Variants in IGF1R observed in about 807,000 individuals in gnomAD.
IGF1R encodes the protein insulin like growth factor 1 receptor, also known as insulin-like growth factor 1 receptor.
A neutral mutation model predicts 144.6 loss-of-function variants in IGF1R; 44 were observed. That is an observed-to-expected ratio of 0.30 (90% confidence interval 0.24 to 0.39). The LOEUF is 0.39. Among genes scored for constraint, IGF1R ranks in the 10% least tolerant of loss-of-function variants. The pLI, the probability that IGF1R is intolerant of heterozygous loss-of-function variation, is 1.00. For synonymous variants in IGF1R, 795 were observed against 722.8 expected, an observed-to-expected ratio of 1.10 and a Z score of -1.60; for missense variants, 1,355 against 1,833.7, an observed-to-expected ratio of 0.74 and a Z score of 4.77.
intron 20 of IGF1R, among the ~76,000 whole-genome samples, chr15:98,951,591 C>G (rs375962750): frequency 1.3e-5 from 2 of 152,232 alleles, no homozygotes; most frequent in Non-Finnish European, 2.9e-5. Flanking sequence ...GCCCTTCTCG[C>G]GGTTGCAGCC....
Position 98,891,727 on chromosome 15 carries a change from CG to C in IGF1R, c.953+93del. 1.5e-6 allele frequency: 2 copies of C among 1,310,826 alleles called. No individual in the cohort carries two copies. Among genetic ancestry groups the C allele is most frequent in the Non-Finnish European group, 2.1e-6 (2 of 937,692 alleles). The allele number at this position is 1,310,826 out of a possible 1,614,324, so 81.2% of individuals were successfully genotyped here. ...GGTAGACTCTGTCGGTTGTTTCATC[CG>C]GGTGCAGCCCTCAGGAAGTTCACTG... On this transcript the variant is annotated intron_variant, in intron 3 of 20. Coordinates refer to ENST00000650285, the MANE Select transcript of IGF1R (RefSeq NM_000875.5). The surrounding 1 kb of genome is among the most constrained non-coding windows in gnomAD (Gnocchi z 4.7).
At chr15:98,724,819 C>T (rs1329563132) in intron 2 of IGF1R, among the ~76,000 whole-genome samples, 1 of 152,178 alleles carries the variant, frequency 6.6e-6, no homozygotes, top group Non-Finnish European at 1.5e-5. Flanking sequence ...CAGACCTGTG[C>T]AGTACCTGTG....
rs2017249481 is a variant in IGF1R at position 98,962,096 on chromosome 15, T to TGCCAGTGGCTC, written c.*4655_*4665dup. 4.3e-6 allele frequency: 1 copy of TGCCAGTGGCTC among 233,176 alleles called. No homozygotes were observed. The highest frequency in any genetic ancestry group is 2.2e-5 in the African/African-American group (1 of 45,348). The allele number at this position is 233,176 out of a possible 1,614,324, so 14.4% of individuals were successfully genotyped here. A position where few individuals can be genotyped will look rare whatever the true frequency, so the allele number is the denominator to read the frequency against. On this transcript the variant is annotated 3_prime_UTR_variant, in exon 21 of 21. Transcript: ENST00000650285. ...TCTGCAGGCTGGCAGCCGAATGGCT[T>TGCCAGTGGCTC]GCCAGTGGCTCTGTGGCAAGATCAC... is the stretch of plus-strand genomic sequence containing the variant.
At chr15:98,897,520 G>C (rs1472679099) in intron 4 of IGF1R, 1 of 154,338 alleles carries the variant, frequency 6.5e-6, no homozygotes, top group East Asian at 1.9e-4. Flanking sequence ...TTTGTGCAAA[G>C]GATTTCCCAC....
At chr15:98,917,129 C>T (rs1255524898) in intron 10 of IGF1R, among the ~76,000 whole-genome samples, 4 of 152,134 alleles carry the variant, frequency 2.6e-5, no homozygotes, top group African/African-American at 9.7e-5. Flanking sequence ...GTCTCAGCCA[C>T]AACCCCCCAC....
intron 2 of IGF1R, among the ~76,000 whole-genome samples, chr15:98,743,039 G>A (rs1348170809): frequency 2.0e-5 from 3 of 152,162 alleles, no homozygotes; most frequent in Non-Finnish European, 4.4e-5. Context: ...TAAGGAAACA[G>A]TGTGTTGTGG....
intron 20 of IGF1R, among the ~76,000 whole-genome samples, chr15:98,950,582 C>T (rs1330249838): frequency 6.6e-6 from 1 of 152,230 alleles, no homozygotes; most frequent in Non-Finnish European, 1.5e-5. Context: ...ATACAGCCTC[C>T]ATAGGCCCTC....
rs139571991 is a variant in IGF1R, at chr15:98,708,055, C to T, written c.588C>T (p.Thr196=). 1.9e-6 allele frequency: 3 copies of T among 1,614,030 alleles called. No homozygotes were observed. Among genetic ancestry groups the T allele is most frequent in the Non-Finnish European group, 2.5e-6 (3 of 1,179,976 alleles). ...MEEKPMCEKT[T]INNEYNYRCW... The stretch of plus-strand genomic sequence containing the variant: ...AGAAGCCGATGTGTGAGAAGACCAC[C>T]ATCAACAATGAGTACAACTACCGCT... The change falls in exon 2 of 21, where the codon ACC becomes ACT. Residue 196 remains threonine, a synonymous_variant. Transcript: ENST00000650285.
rs2151645278 is a variant in IGF1R at position 98,891,838 on chromosome 15, A to C, written c.953+201A>C. The stretch of plus-strand genomic sequence containing the variant: ...ATTGGCATGGCTTACCGCCCCCCTC[A>C]CCAGTTTGTTTTATATTTTAAGTGC... On this transcript the variant is annotated intron_variant, in intron 3 of 20. Coordinates refer to ENST00000650285, the MANE Select transcript of IGF1R (RefSeq NM_000875.5). The surrounding 1 kb of genome is among the most constrained non-coding windows in gnomAD (Gnocchi z 4.7). Among the ~76,000 whole-genome samples, 1 of 152,232 alleles carries C rather than the reference A, an allele frequency of 6.6e-6. No individual in the cohort carries two copies. Among genetic ancestry groups the C allele is most frequent in the African/African-American group, 2.4e-5 (1 of 41,522 alleles).
At chr15:98,765,160 T>TG in intron 2 of IGF1R, among the ~76,000 whole-genome samples, 1 of 152,324 alleles carries the variant, frequency 6.6e-6, no homozygotes. Flanking sequence ...TTTTTATGGG[T>TG]GAATAATAGT....
At position 98,935,945 on chromosome 15, in the gene IGF1R, C is replaced by T. The variant is rs1451076012; in HGVS notation, c.3297+519C>T. Among the ~76,000 whole-genome samples, 1 of 152,210 alleles carries T rather than the reference C, an allele frequency of 6.6e-6. No homozygotes were observed. The highest frequency in any genetic ancestry group is 1.9e-4 in the East Asian group (1 of 5,198). On this transcript the variant is annotated intron_variant, in intron 17 of 20. Coordinates refer to ENST00000650285, the MANE Select transcript of IGF1R (RefSeq NM_000875.5). The surrounding 1 kb of genome is among the most constrained non-coding windows in gnomAD (Gnocchi z 4.2). ...GGCTCAGGGCCGCATTTGTGGCAGG[C>T]ACTCTGTCAATAAATGTATGTTACA... is the stretch of plus-strand genomic sequence containing the variant.
At position 98,822,822 on chromosome 15, in the gene IGF1R, G is replaced by A. The variant is rs45446200; in HGVS notation, c.641-68503G>A. 3.9e-3 allele frequency among the ~76,000 whole-genome samples: 600 copies of A among 152,310 alleles called. 5 individuals are homozygous for A. Among genetic ancestry groups the A allele is most frequent in the African/African-American group, 0.014 (585 of 41,574 alleles). On this transcript the variant is annotated intron_variant, in intron 2 of 20. Coordinates refer to ENST00000650285, the MANE Select transcript of IGF1R (RefSeq NM_000875.5). ...GCTAAGATGTAAAAAACAGAAGTTAGGTGAAATAAATTAAGAATAATTATT... is the reference window on the plus strand; with the variant it reads ...GCTAAGATGTAAAAAACAGAAGTTAAGTGAAATAAATTAAGAATAATTATT...
chr15:98,942,858 C>T, intron 18 of IGF1R, 65 bp from the exon 19 acceptor site: 9 of 1,604,496 alleles, frequency 5.6e-6, no homozygotes, highest in Non-Finnish European at 7.7e-6. Flanking sequence ...AGTGTAGGGT[C>T]CTCTGCTGTG....
intron 1 of IGF1R, among the ~76,000 whole-genome samples, chr15:98,672,569 CAAAA>C (rs60559912): frequency 3.2e-5 from 2 of 61,652 alleles, no homozygotes; most frequent in South Asian, 6.6e-4. Flanking sequence ...GACTCCATCT[CAAAA>C]AAAAAAAAAA....
At chr15:98,761,819 G>A (rs1337006866) in intron 2 of IGF1R, among the ~76,000 whole-genome samples, 2 of 152,204 alleles carry the variant, frequency 1.3e-5, no homozygotes, top group Non-Finnish European at 2.9e-5. Flanking sequence ...ATTGGTTGAT[G>A]CACTTATTCC....
At chr15:98,773,828 G>A (rs1018060914) in intron 2 of IGF1R, among the ~76,000 whole-genome samples, 4 of 152,264 alleles carry the variant, frequency 2.6e-5, no homozygotes, top group African/African-American at 9.6e-5. Flanking sequence ...GTAGGTGTCT[G>A]ACGACATCTT....
In IGF1R at chr15:98,891,688, C is replaced by A; in HGVS notation, c.953+51C>A. ...ACTACCCGCCCCACCTCACCCGCCACCCTAGCACACAAAGGTAGACTCTGT... is the reference window on the plus strand; with the variant it reads ...ACTACCCGCCCCACCTCACCCGCCAACCTAGCACACAAAGGTAGACTCTGT... On this transcript the variant is annotated intron_variant, in intron 3 of 20. Transcript: ENST00000650285. The surrounding 1 kb of genome is among the most constrained non-coding windows in gnomAD (Gnocchi z 4.7). 1 of 1,546,298 alleles carries A rather than the reference C, an allele frequency of 6.5e-7. No homozygotes were observed. The highest frequency in any genetic ancestry group is 8.8e-7 in the Non-Finnish European group (1 of 1,135,140).
At chr15:98,880,138 A>G (rs1369665780) in intron 2 of IGF1R, among the ~76,000 whole-genome samples, 1 of 152,210 alleles carries the variant, frequency 6.6e-6, no homozygotes, top group East Asian at 1.9e-4. Flanking sequence ...TTAGATCTCA[A>G]TAAAGCTATT....
intron 2 of IGF1R, among the ~76,000 whole-genome samples, chr15:98,783,357 C>A (rs993341072): frequency 6.6e-6 from 1 of 152,176 alleles, no homozygotes; most frequent in Non-Finnish European, 1.5e-5. Context: ...CCTGTTCTCT[C>A]TATATAAAAT....
Sources: allele counts gnomAD v4.1 joint callset (sites outside exome capture counted in the v4.1 genomes callset), GRCh38; gene constraint gnomAD v4.1.1; non-coding constraint Gnocchi (gnomAD v3.1); transcripts MANE v1.5; gene names NCBI Gene and HGNC (gene_info 2026-07-23, HGNC 2026-07-21).